Variants in ARHGEF3 observed in about 807,000 individuals in gnomAD.
The protein encoded by ARHGEF3 is 59.8 kDA protein.
In ARHGEF3, 28 loss-of-function variants were observed where a neutral mutation model predicts 63.2. The ratio of observed to expected loss-of-function variants is 0.44; its 90% CI spans 0.33 to 0.61. The LOEUF (loss-of-function observed/expected upper bound fraction) is 0.61, where lower values mean the gene tolerates loss of function less well. ARHGEF3 is among the 20% of genes least tolerant of loss of function. The probability of loss-of-function intolerance (pLI) is 0.03; values close to 1 mark genes in which losing one functional copy is unlikely to be tolerated. For missense variants in ARHGEF3, 533 were observed against 659.3 expected (o/e 0.81, Z 2.10); for synonymous variants, 266 against 254.2 (o/e 1.05, Z -0.44).
intron 4 of ARHGEF3, among the ~76,000 whole-genome samples, chr3:56,830,897 C>T (rs2038909984): frequency 2.0e-5 from 3 of 152,150 alleles, no homozygotes; most frequent in Admixed American, 1.3e-4. Context: ...ATAGGAGATT[C>T]TCAACTTCCA....
chr3:56,935,385 A>G (rs1183456261), intron 3 of ARHGEF3, among the ~76,000 whole-genome samples: 1 of 152,150 alleles, frequency 6.6e-6, no homozygotes, highest in Non-Finnish European at 1.5e-5. Context: ...GCCAGATAAG[A>G]GAATAAAAGC....
intron 3 of ARHGEF3, among the ~76,000 whole-genome samples, chr3:56,896,853 A>T (rs1211701961): frequency 2.0e-5 from 3 of 152,222 alleles, no homozygotes; most frequent in Non-Finnish European, 2.9e-5. Context: ...ACCTCAGAAG[A>T]CATGTGGCAT....
intron 4 of ARHGEF3, among the ~76,000 whole-genome samples, chr3:56,842,356 T>G (rs2039340566): frequency 6.6e-6 from 1 of 152,222 alleles, no homozygotes; most frequent in Admixed American, 6.5e-5. Flanking sequence ...CTAGCTAATT[T>G]TGCATCAATT....
chr3:56,997,858 T>C (rs547540739), intron 2 of ARHGEF3, among the ~76,000 whole-genome samples: 4 of 152,330 alleles, frequency 2.6e-5, no homozygotes, highest in African/African-American at 9.6e-5. Context: ...CTAGAATTCC[T>C]GGAAGATGCT....
At chr3:56,957,853 A>T (rs1244663342) in intron 3 of ARHGEF3, among the ~76,000 whole-genome samples, 1 of 152,192 alleles carries the variant, frequency 6.6e-6, no homozygotes, top group Non-Finnish European at 1.5e-5. Flanking sequence ...CTACAGATGC[A>T]AGTTTTGCTC....
chr3:56,878,885 T>C (rs1258187229), intron 4 of ARHGEF3, among the ~76,000 whole-genome samples: 2 of 152,220 alleles, frequency 1.3e-5, no homozygotes, highest in Non-Finnish European at 2.9e-5. Flanking sequence ...TTATAGCCAC[T>C]CTCCATCTTT....
rs746793652 is a variant in ARHGEF3 at position 56,755,180 on chromosome 3, G to A, written c.205-29C>T. On this transcript the variant is annotated intron_variant, in intron 2 of 9. Transcript: ENST00000296315. ...AACAATGAGAAAAACAAACCATCAC[G>A]GGGGCAGCGGCAGGACTGGGTGGAT... is the stretch of plus-strand genomic sequence containing the variant. 8 of 1,607,334 alleles carry A rather than the reference G, an allele frequency of 5.0e-6. 1 individual carries two copies. The South Asian group carries it at 5.5e-5, about 11-fold the overall frequency.
chr3:56,882,460 C>A, intron 3 of ARHGEF3: 1 of 849,496 alleles, frequency 1.2e-6, no homozygotes, highest in Non-Finnish European at 1.9e-6. Flanking sequence ...CTTATCATTT[C>A]TACCATGGTA....
intron 2 of ARHGEF3, among the ~76,000 whole-genome samples, chr3:57,028,995 AC>A (rs1473295291): frequency 1.3e-5 from 2 of 151,724 alleles, no homozygotes; most frequent in African/African-American, 4.8e-5. Context: ...ACACACACAC[AC>A]ACACACACAC....
At chr3:57,078,400 C>G (rs947420082) in intron 1 of ARHGEF3, 2 of 152,296 alleles carry the variant, frequency 1.3e-5, no homozygotes, top group East Asian at 3.9e-4. Context: ...AAGCCGAGTC[C>G]TCTAAGAACA....
At chr3:56,730,456 C>T (rs1291464494) in intron 9 of ARHGEF3, among the ~76,000 whole-genome samples, 4 of 150,572 alleles carry the variant, frequency 2.7e-5, no homozygotes, top group African/African-American at 9.8e-5. Flanking sequence ...CCGCTCACTG[C>T]AACCTCTGCC....
intron 3 of ARHGEF3, among the ~76,000 whole-genome samples, chr3:56,915,580 C>A (rs1397366548): frequency 2.6e-5 from 4 of 152,074 alleles, no homozygotes; most frequent in African/African-American, 9.7e-5. Context: ...ACCTTCAGAG[C>A]TCCTAACCAT....
At chr3:56,730,916 T>C (rs910823195) in intron 9 of ARHGEF3, among the ~76,000 whole-genome samples, 3 of 152,204 alleles carry the variant, frequency 2.0e-5, no homozygotes, top group Admixed American at 6.5e-5. Flanking sequence ...CCTTCAAATT[T>C]AGGCTCCACC....
At chr3:56,851,863 C>T (rs1049725378) in intron 4 of ARHGEF3, among the ~76,000 whole-genome samples, 1 of 152,222 alleles carries the variant, frequency 6.6e-6, no homozygotes, top group East Asian at 1.9e-4. Context: ...CCCACCTCAG[C>T]CTCCCAAAGG....
At chr3:57,054,475 C>T (rs1444330562) in intron 1 of ARHGEF3, among the ~76,000 whole-genome samples, 2 of 122,032 alleles carry the variant, frequency 1.6e-5, no homozygotes, top group African/African-American at 5.7e-5. Context: ...ACAAAAAATA[C>T]GAAAAAAAAA....
chr3:56,950,699 A>G (rs1314896528), intron 3 of ARHGEF3, among the ~76,000 whole-genome samples: 7 of 152,090 alleles, frequency 4.6e-5, no homozygotes, highest in South Asian at 2.1e-4. Flanking sequence ...AACTAGTCCA[A>G]CCATTGTGGA....
intron 3 of ARHGEF3, among the ~76,000 whole-genome samples, chr3:56,919,216 C>G (rs994212471): frequency 1.3e-5 from 2 of 152,182 alleles, no homozygotes; most frequent in African/African-American, 4.8e-5. Flanking sequence ...TAAAATCTCT[C>G]AATTTGTAAA....
intron 2 of ARHGEF3, among the ~76,000 whole-genome samples, chr3:56,756,940 C>T (rs934231184): frequency 2.0e-5 from 3 of 152,166 alleles, no homozygotes; most frequent in Non-Finnish European, 4.4e-5. Context: ...TCCTCCTCCC[C>T]CAGAGCAATT....
intron 1 of ARHGEF3, chr3:57,060,377 G>A (rs1026079402): frequency 2.0e-5 from 3 of 152,056 alleles, no homozygotes; most frequent in Non-Finnish European, 2.9e-5. Flanking sequence ...GCTGCTACTC[G>A]GGTTATCAAA....
Sources: allele counts gnomAD v4.1 joint callset (sites outside exome capture counted in the v4.1 genomes callset), GRCh38; gene constraint gnomAD v4.1.1; transcripts MANE v1.5; gene names NCBI Gene and HGNC (gene_info 2026-07-23, HGNC 2026-07-21).